STPG2: variants seen among roughly 807,000 people sequenced by gnomAD.
The protein encoded by STPG2 is sperm tail PG-rich repeat containing 2.
In STPG2, 56 loss-of-function variants were observed where a neutral mutation model predicts 54.2. That is an observed-to-expected ratio of 1.03 (90% CI 0.83 to 1.29). STPG2 has a LOEUF of 1.29. Ranked by LOEUF, STPG2 falls within the 50% of genes most tolerant of loss-of-function variation. The probability of loss-of-function intolerance (pLI) is 0.00; values close to 1 mark genes in which losing one functional copy is unlikely to be tolerated. For synonymous variants in STPG2, 200 were observed against 181.8 expected, an observed-to-expected ratio of 1.10 and a Z score of -0.81; for missense variants, 596 against 544.9, an observed-to-expected ratio of 1.09 and a Z score of -0.93.
At chr4:97,956,977 A>G (rs1344275577) in intron 7 of STPG2, among the ~76,000 whole-genome samples, 2 of 152,096 alleles carry the variant, frequency 1.3e-5, no homozygotes, top group African/African-American at 4.8e-5. Context: ...ACCAAGAAGA[A>G]ATCCCTGATT....
chr4:98,106,469 G>A (rs1321600044), intron 4 of STPG2, among the ~76,000 whole-genome samples: 1 of 151,822 alleles, frequency 6.6e-6, no homozygotes, highest in Non-Finnish European at 1.5e-5. Context: ...ATCAGAAAAG[G>A]GCATAAAGAT....
At chr4:97,600,044 A>G (rs933432108) in intron 10 of STPG2, among the ~76,000 whole-genome samples, 1 of 152,086 alleles carries the variant, frequency 6.6e-6, no homozygotes, top group Non-Finnish European at 1.5e-5. Context: ...CATTGAGTAC[A>G]CATGGACACA....
At position 97,568,908 on chromosome 4, in the gene STPG2, T is replaced by TG. The variant is rs545375347; in HGVS notation, c.1321-9792_1321-9791insC. On this transcript the variant is annotated intron_variant, in intron 10 of 10. Transcript: ENST00000295268. Reference sequence around the variant, plus strand: ...CTTTTGTTTTTTGTTTTGTTTTTTTTTTTGTTTGTTTGTTTTGTTTTGCAG... The same window carrying TG: ...CTTTTGTTTTTTGTTTTGTTTTTTTTGTTTGTTTGTTTGTTTTGTTTTGCAG... 5.3e-3 allele frequency among the ~76,000 whole-genome samples: 801 copies of TG among 150,600 alleles called. 5 individuals carry two copies. The highest frequency in any genetic ancestry group is 0.024 in the Middle Eastern group (7 of 290).
chr4:97,747,695 A>T (rs115234121), intron 9 of STPG2, among the ~76,000 whole-genome samples: 1 of 151,308 alleles, frequency 6.6e-6, no homozygotes, highest in Non-Finnish European at 1.5e-5. Flanking sequence ...ATTAATGTGC[A>T]TGATTTCTAC....
chr4:97,656,155 T>C (rs558027948), intron 10 of STPG2, among the ~76,000 whole-genome samples: 50 of 152,096 alleles, frequency 3.3e-4, no homozygotes, highest in Admixed American at 1.8e-3. Flanking sequence ...AGTCTGCAAA[T>C]ACATGTGTTA....
intron 9 of STPG2, among the ~76,000 whole-genome samples, chr4:97,759,335 C>A (rs1725822380): frequency 6.6e-6 from 1 of 152,148 alleles, no homozygotes; most frequent in South Asian, 2.1e-4. Context: ...TCACTTGTCT[C>A]TGAAATAATC....
intron 8 of STPG2, among the ~76,000 whole-genome samples, chr4:97,860,220 T>C (rs988757879): frequency 2.0e-5 from 3 of 152,156 alleles, no homozygotes; most frequent in African/African-American, 7.2e-5. Flanking sequence ...GCTCTTTTTT[T>C]GTTCCATATG....
intron 8 of STPG2, among the ~76,000 whole-genome samples, chr4:97,883,588 A>T (rs1213430542): frequency 6.6e-6 from 1 of 152,188 alleles, no homozygotes; most frequent in Non-Finnish European, 1.5e-5. Context: ...AAGTGTTAGA[A>T]ATGAAAAAAA....
intron 10 of STPG2, among the ~76,000 whole-genome samples, chr4:97,706,828 G>C (rs2149002587): frequency 6.6e-6 from 1 of 152,206 alleles, no homozygotes; most frequent in African/African-American, 2.4e-5. Flanking sequence ...AATTAAAAGA[G>C]AATAAGAAAA....
chr4:97,517,000 C>T (rs763029793), intron 4 of STPG2, among the ~76,000 whole-genome samples: 5 of 151,822 alleles, frequency 3.3e-5, no homozygotes, highest in South Asian at 2.1e-4. Flanking sequence ...CTCCACCTCC[C>T]GGTCTCAAGT....
intron 8 of STPG2, among the ~76,000 whole-genome samples, chr4:97,927,016 C>A (rs943140004): frequency 6.0e-4 from 91 of 152,144 alleles, no homozygotes; most frequent in African/African-American, 2.2e-3. Context: ...GTTAAGGAAA[C>A]TGAAATTTAC....
At chr4:97,873,893 A>G (rs1283102654) in intron 8 of STPG2, among the ~76,000 whole-genome samples, 1 of 151,480 alleles carries the variant, frequency 6.6e-6, no homozygotes, top group Non-Finnish European at 1.5e-5. Flanking sequence ...GCACCTTTTT[A>G]TTTTTTATTT....
chr4:97,498,775 T>C (rs1730662700), intron 4 of STPG2, among the ~76,000 whole-genome samples: 1 of 151,594 alleles, frequency 6.6e-6, no homozygotes, highest in African/African-American at 2.4e-5. Context: ...CTTGCAAAGA[T>C]AGGATAAAAA....
intron 4 of STPG2, among the ~76,000 whole-genome samples, chr4:97,534,532 CTT>C (rs200659861): frequency 1.3e-5 from 2 of 151,330 alleles, no homozygotes; most frequent in African/African-American, 4.9e-5. Flanking sequence ...TTTGAAAAGA[CTT>C]TTTTTTTCCC....
At chr4:97,721,670 TAAAC>T (rs1021299959) in intron 9 of STPG2, among the ~76,000 whole-genome samples, 7 of 152,052 alleles carry the variant, frequency 4.6e-5, no homozygotes, top group African/African-American at 7.2e-5. Context: ...TTAACTGAAA[TAAAC>T]AAAACATATT....
intron 4 of STPG2, among the ~76,000 whole-genome samples, chr4:97,474,370 G>A (rs372341255): frequency 1.3e-5 from 2 of 152,258 alleles, no homozygotes; most frequent in Non-Finnish European, 2.9e-5. Flanking sequence ...ACGAAAAAGC[G>A]ATAATGATGG....
At chr4:97,867,171 A>G (rs545774860) in intron 8 of STPG2, among the ~76,000 whole-genome samples, 1 of 152,004 alleles carries the variant, frequency 6.6e-6, no homozygotes, top group South Asian at 2.1e-4. Context: ...TAAGCCTTTT[A>G]GATTATATTA....
intron 5 of STPG2, among the ~76,000 whole-genome samples, chr4:98,002,826 T>G (rs1389242128): frequency 1.3e-5 from 2 of 152,104 alleles, no homozygotes; most frequent in East Asian, 3.8e-4. Context: ...CATTAATGGG[T>G]AATTAGTGCA....
At chr4:97,557,326 G>T (rs369576093), downstream of STPG2, among the ~76,000 whole-genome samples, 11 of 152,172 alleles carry the variant, frequency 7.2e-5, no homozygotes, top group African/African-American at 2.7e-4. Context: ...AGCAATCAGA[G>T]AGAGAGAGAA....
Sources: gnomAD v4.1 joint callset for allele counts (sites outside exome capture counted in the v4.1 genomes callset) on GRCh38, gnomAD v4.1.1 for gene constraint, MANE v1.5 for transcripts, NCBI Gene and HGNC (gene_info 2026-07-23, HGNC 2026-07-21) for gene names.